The following CELF2 variants were observed in gnomAD, a reference collection of about 807,000 sequenced individuals.
CELF2 encodes CUGBP Elav-like family member 2.
In CELF2, 8 loss-of-function variants were observed where a neutral mutation model predicts 62.6. That is an observed-to-expected ratio of 0.13 (90% CI 0.07 to 0.23). The LOEUF is 0.23. Ranked by LOEUF, CELF2 falls within the 10% of genes least tolerant of loss-of-function variation. The pLI, the probability that CELF2 is intolerant of heterozygous loss-of-function variation, is 1.00. For missense variants in CELF2, 333 were observed against 671.0 expected, an observed-to-expected ratio of 0.50 and a Z score of 5.56; for synonymous variants, 258 against 250.0, an observed-to-expected ratio of 1.03 and a Z score of -0.30.
the CELF2 span, among the ~76,000 whole-genome samples, chr10:10,584,819 A>AG: frequency 5.9e-5 from 9 of 152,210 alleles, no homozygotes; most frequent in African/African-American, 2.2e-4. Context: ...ATCATTTCAA[A>AG]TGTGGGTTGT....
chr10:10,750,160 T>C, the CELF2 span, among the ~76,000 whole-genome samples: 1 of 152,014 alleles, frequency 6.6e-6, no homozygotes, highest in East Asian at 1.9e-4. Flanking sequence ...CACGTGCCTA[T>C]AATCCCAGCT....
rs546285165 is a variant in CELF2, at chr10:10,909,195, G to C, written c.54-10769G>C. On this transcript the variant is annotated intron_variant, in intron 1 of 13. Transcript: ENST00000636488. The stretch of plus-strand genomic sequence containing the variant: ...CCAGGGAGAGGGAGGTCCTCTGAGG[G>C]GCTGTCCTTTTGACTGAGGTCACCG... Among the ~76,000 whole-genome samples the C allele has an allele frequency of 3.3e-4, 50 of 152,304 alleles. 2 individuals carry two copies. The highest frequency in any genetic ancestry group is 3.1e-3 in the Admixed American group (47 of 15,304).
rs1045728828 is a variant in CELF2 at position 11,249,222 on chromosome 10, T to G, written c.403+21T>G. 1.2e-5 allele frequency: 19 copies of G among 1,593,686 alleles called. No individual in the cohort carries two copies. The African/African-American group carries it at 2.1e-4, about 18-fold the overall frequency. ...CAACGGTAGGTGGTAACCAACTGTC[T>G]TGCTTAATAATAATATCTGCTGCTT... On this transcript the variant is annotated intron_variant, in intron 4 of 12. Transcript: ENST00000633077.
At chr10:10,945,582 G>A (rs1486137498) in intron 2 of CELF2, among the ~76,000 whole-genome samples, 1 of 152,202 alleles carries the variant, frequency 6.6e-6, no homozygotes, top group African/African-American at 2.4e-5. Context: ...CTTTGAAGGT[G>A]AAATCCATGT....
chr10:10,590,217 G>A, the CELF2 span, among the ~76,000 whole-genome samples: 2 of 152,202 alleles, frequency 1.3e-5, no homozygotes, highest in African/African-American at 4.8e-5. Flanking sequence ...GTGCAGAGAT[G>A]GGAAGAAACA....
chr10:10,528,574 G>A, the CELF2 span, among the ~76,000 whole-genome samples: 6 of 152,176 alleles, frequency 3.9e-5, no homozygotes, highest in Admixed American at 1.3e-4. Flanking sequence ...TGCCTGTAGT[G>A]CTGGCCTGCC....
At chr10:10,866,456 T>A (rs2060369123) in intron 1 of CELF2, among the ~76,000 whole-genome samples, 1 of 151,460 alleles carries the variant, frequency 6.6e-6, no homozygotes, top group African/African-American at 2.4e-5. Flanking sequence ...AATACAAAAA[T>A]TAGCCAGGCA....
intron 1 of CELF2, among the ~76,000 whole-genome samples, chr10:10,829,615 A>G (rs1056199635): frequency 6.6e-6 from 1 of 152,214 alleles, no homozygotes; most frequent in African/African-American, 2.4e-5. Context: ...TTGATCTGTC[A>G]CATTTGTAGG....
At chr10:11,152,234 G>A (rs962376645) in intron 1 of CELF2, among the ~76,000 whole-genome samples, 1 of 152,148 alleles carries the variant, frequency 6.6e-6, no homozygotes, top group African/African-American at 2.4e-5. Context: ...CTGCGAAACT[G>A]GACCAAGTTT....
the CELF2 span, among the ~76,000 whole-genome samples, chr10:10,729,965 A>G: frequency 6.6e-6 from 1 of 152,196 alleles, no homozygotes; most frequent in Non-Finnish European, 1.5e-5. Flanking sequence ...GAGTATCAGG[A>G]ATAACTGGTG....
rs1457438827 is a variant in CELF2, at chr10:11,211,365, A to G, written c.272-6060A>G. The stretch of plus-strand genomic sequence containing the variant: ...TTAAAACAGTGTCTCAGAGCATCAA[A>G]CCTTGGTTTAGAAACCTTGGAGGAA... On this transcript the variant is annotated intron_variant, in intron 2 of 12. Transcript: ENST00000633077. This position sits in a 1 kb window ranked among gnomAD's most constrained non-coding sequence, Gnocchi z 4.8. Among the ~76,000 whole-genome samples, 1 of 152,186 alleles carries G rather than the reference A, an allele frequency of 6.6e-6. No individual in the cohort carries two copies. Among genetic ancestry groups the G allele is most frequent in the East Asian group, 1.9e-4 (1 of 5,204 alleles).
intron 1 of CELF2, among the ~76,000 whole-genome samples, chr10:11,105,043 T>C (rs1031534202): frequency 3.9e-5 from 6 of 152,238 alleles, no homozygotes; most frequent in African/African-American, 2.4e-5. Context: ...GCATCTTTTT[T>C]TCCAACCCTG....
the CELF2 span, among the ~76,000 whole-genome samples, chr10:10,629,544 A>G: frequency 6.6e-6 from 1 of 152,116 alleles, no homozygotes; most frequent in Non-Finnish European, 1.5e-5. Context: ...CCTTTATATC[A>G]TCTTAGATAA....
chr10:10,777,850 AC>A, the CELF2 span, among the ~76,000 whole-genome samples: 1 of 151,884 alleles, frequency 6.6e-6, no homozygotes, highest in African/African-American at 2.4e-5. Context: ...CCTAAACTCA[AC>A]CCTAATAAAC....
Position 11,182,667 on chromosome 10 carries a change from T to G in CELF2, c.271+16985T>G, listed in dbSNP as rs1298573801. ...GTTCCAAAGGCTAGTGTCTCTCACC[T>G]CTCCCTACCACCCCATGTTTTAAGC... On this transcript the variant is annotated intron_variant, in intron 2 of 12. Transcript: ENST00000633077. Among the ~76,000 whole-genome samples, 3 of 152,284 alleles carry G rather than the reference T, an allele frequency of 2.0e-5. No homozygotes were observed. The South Asian group carries it at 6.2e-4, about 32-fold the overall frequency.
chr10:10,768,639 T>A, the CELF2 span, among the ~76,000 whole-genome samples: 2 of 151,404 alleles, frequency 1.3e-5, no homozygotes, highest in African/African-American at 4.9e-5. Flanking sequence ...AGTGACACGA[T>A]CTCAGCTCAC....
chr10:10,871,809 A>G (rs1046119451), intron 1 of CELF2, among the ~76,000 whole-genome samples: 1 of 152,192 alleles, frequency 6.6e-6, no homozygotes, highest in South Asian at 2.1e-4. Context: ...GAGAGGAAGT[A>G]GTGAAAAGAG....
At chr10:11,130,590 T>C (rs1306618898) in intron 1 of CELF2, among the ~76,000 whole-genome samples, 1 of 152,244 alleles carries the variant, frequency 6.6e-6, no homozygotes, top group Non-Finnish European at 1.5e-5. Context: ...TTCTAAAGTG[T>C]AGATGTTTTT....
At chr10:11,094,056 A>C (rs945811477) in intron 1 of CELF2, among the ~76,000 whole-genome samples, 1 of 152,184 alleles carries the variant, frequency 6.6e-6, no homozygotes, top group Non-Finnish European at 1.5e-5. Context: ...CAATGTCCAC[A>C]TGGTACTGGA....
Sources: allele counts gnomAD v4.1 joint callset (sites outside exome capture counted in the v4.1 genomes callset), GRCh38; gene constraint gnomAD v4.1.1; non-coding constraint Gnocchi (gnomAD v3.1); transcripts MANE v1.5; gene names NCBI Gene and HGNC (gene_info 2026-07-23, HGNC 2026-07-21).